Variants in CSMD1 observed in about 807,000 individuals in gnomAD.
CSMD1 encodes CUB and sushi domain-containing protein 1.
A neutral mutation model predicts 417.5 loss-of-function variants in CSMD1; 213 were observed. The observed-to-expected ratio is 0.51, with a 90% CI of 0.46 to 0.57. CSMD1 has a LOEUF of 0.57. Among genes scored for constraint, CSMD1 ranks in the 20% least tolerant of loss-of-function variants. The pLI is 0.00. For synonymous variants in CSMD1, 2,862 were observed against 1,736.8 expected (o/e 1.65, Z -16.11); for missense variants, 6,923 against 4,529.7 (o/e 1.53, Z -15.17).
At chr8:3,409,660 T>C in intron 12 of CSMD1, 55 bp from the exon 13 acceptor site, 1 of 1,390,886 alleles carries the variant, frequency 7.2e-7, no homozygotes, top group Non-Finnish European at 9.7e-7. Flanking sequence ...GGAATATTTT[T>C]ATCTCTACAA....
intron 7 of CSMD1, among the ~76,000 whole-genome samples, chr8:3,674,221 A>G (rs1799246911): frequency 6.6e-6 from 1 of 152,194 alleles, no homozygotes. Flanking sequence ...TATCAAAAGC[A>G]GATTGTATTA....
chr8:3,909,715 G>C (rs1808336350), intron 5 of CSMD1, among the ~76,000 whole-genome samples: 1 of 152,118 alleles, frequency 6.6e-6, no homozygotes. Context: ...TGCGGCTTGT[G>C]TAGCAAAGGC....
At chr8:4,109,022 C>G (rs1246684449) in intron 3 of CSMD1, among the ~76,000 whole-genome samples, 3 of 152,152 alleles carry the variant, frequency 2.0e-5, no homozygotes, top group East Asian at 3.8e-4. Flanking sequence ...TCCATGGATA[C>G]AAATATCTAC....
intron 1 of CSMD1, among the ~76,000 whole-genome samples, chr8:4,719,679 G>C (rs1323923726): frequency 2.0e-5 from 3 of 152,228 alleles, no homozygotes; most frequent in African/African-American, 7.2e-5. Context: ...ACTTCCAGAT[G>C]AAAGTAATTT....
intron 2 of CSMD1, among the ~76,000 whole-genome samples, chr8:4,584,998 G>A (rs532123486): frequency 6.9e-4 from 105 of 151,340 alleles, no homozygotes; most frequent in Non-Finnish European, 1.4e-3. Context: ...ACCTCAACCA[G>A]ACTCTCAAAT....
At chr8:4,902,856 TTA>T (rs1234462819) in intron 1 of CSMD1, among the ~76,000 whole-genome samples, 10 of 152,010 alleles carry the variant, frequency 6.6e-5, no homozygotes, top group African/African-American at 2.2e-4. Flanking sequence ...TTTTTATCAT[TTA>T]TGTTTTTTCT....
intron 1 of CSMD1, among the ~76,000 whole-genome samples, chr8:4,685,046 A>T (rs1806284657): frequency 6.6e-6 from 1 of 152,172 alleles, no homozygotes; most frequent in African/African-American, 2.4e-5. Context: ...TTCCAACATG[A>T]TTCTTCTGAC....
intron 5 of CSMD1, among the ~76,000 whole-genome samples, chr8:3,892,534 A>AAATAAT (rs34846347): frequency 7.2e-4 from 106 of 148,048 alleles, no homozygotes; most frequent in Non-Finnish European, 1.3e-3. Context: ...AATTTTGCAA[A>AAATAAT]AATAATAATA....
At chr8:3,716,362 G>T (rs1219279679) in intron 6 of CSMD1, among the ~76,000 whole-genome samples, 1 of 152,224 alleles carries the variant, frequency 6.6e-6, no homozygotes, top group Non-Finnish European at 1.5e-5. Context: ...TCCATAGACA[G>T]AACAGTCTTG....
At chr8:3,467,847 T>C (rs1248149105) in intron 12 of CSMD1, among the ~76,000 whole-genome samples, 2 of 152,234 alleles carry the variant, frequency 1.3e-5, no homozygotes, top group Non-Finnish European at 2.9e-5. Context: ...TTGTTACATT[T>C]TTCAGCTCCT....
chr8:3,908,618 C>T (rs189769257), intron 5 of CSMD1, among the ~76,000 whole-genome samples: 1 of 152,020 alleles, frequency 6.6e-6, no homozygotes, highest in East Asian at 1.9e-4. Context: ...AAGAACATTG[C>T]TTAAAAAAAA....
chr8:2,976,217 T>C (rs1478863678), intron 55 of CSMD1, among the ~76,000 whole-genome samples: 15 of 149,452 alleles, frequency 1.0e-4, no homozygotes, highest in Admixed American at 8.6e-4. Flanking sequence ...GGAAACTCAC[T>C]TGGAGAAAAA....
At chr8:4,369,697 C>T (rs746649878) in intron 3 of CSMD1, among the ~76,000 whole-genome samples, 1 of 152,040 alleles carries the variant, frequency 6.6e-6, no homozygotes, top group East Asian at 1.9e-4. Context: ...ACGTAATGCC[C>T]TTGTCTTTTT....
At chr8:4,721,699 T>C (rs1227565977) in intron 1 of CSMD1, among the ~76,000 whole-genome samples, 1 of 152,158 alleles carries the variant, frequency 6.6e-6, no homozygotes, top group African/African-American at 2.4e-5. Context: ...GCAATCCCCC[T>C]GTTGTATCTA....
intron 12 of CSMD1, among the ~76,000 whole-genome samples, chr8:3,433,009 G>C (rs1814319600): frequency 6.6e-6 from 1 of 152,138 alleles, no homozygotes; most frequent in Admixed American, 6.6e-5. Context: ...TTCAGTTTAA[G>C]ATGTGCAAAC....
chr8:4,209,568 A>T (rs971511837), intron 3 of CSMD1, among the ~76,000 whole-genome samples: 1 of 152,130 alleles, frequency 6.6e-6, no homozygotes, highest in South Asian at 2.1e-4. Context: ...CTCTTCTGGC[A>T]TTTGTCCACC....
At chr8:4,499,658 G>A (rs895182474) in intron 2 of CSMD1, among the ~76,000 whole-genome samples, 12 of 152,240 alleles carry the variant, frequency 7.9e-5, no homozygotes, top group Non-Finnish European at 1.6e-4. Flanking sequence ...GAGTAGGTAT[G>A]TTATAAATAT....
At chr8:4,334,970 T>C (rs1322051183) in intron 3 of CSMD1, among the ~76,000 whole-genome samples, 1 of 152,088 alleles carries the variant, frequency 6.6e-6, no homozygotes, top group Non-Finnish European at 1.5e-5. Context: ...GTAAAACCAG[T>C]GTCCTCCAGG....
At chr8:3,369,167 T>A in intron 19 of CSMD1, 87 bp downstream of exon 19, 1 of 655,794 alleles carries the variant, frequency 1.5e-6, no homozygotes, top group Non-Finnish European at 2.7e-6. Context: ...ATCTCACTTG[T>A]TTACACCGTA....
Sources: allele counts gnomAD v4.1 joint callset (sites outside exome capture counted in the v4.1 genomes callset), GRCh38; gene constraint gnomAD v4.1.1; transcripts MANE v1.5; gene names NCBI Gene and HGNC (gene_info 2026-07-23, HGNC 2026-07-21).